CEP43: variants seen among roughly 807,000 people sequenced by gnomAD.
CEP43 encodes centrosomal protein 43, also known as FGFR1 oncogene partner.
In CEP43, 36 loss-of-function variants were observed where a neutral mutation model predicts 52.6. The ratio of observed to expected loss-of-function variants is 0.68; its 90% CI spans 0.52 to 0.90. The LOEUF (loss-of-function observed/expected upper bound fraction) is 0.90. Among genes scored for constraint, CEP43 ranks in the 40% least tolerant of loss-of-function variants. CEP43 has a pLI of 0.00. For synonymous variants in CEP43, 192 were observed against 172.4 expected, an observed-to-expected ratio of 1.11 and a Z score of -0.89; for missense variants, 506 against 472.8, an observed-to-expected ratio of 1.07 and a Z score of -0.65.
chr6:167,007,193 T>C (rs991477827), intron 5 of CEP43, among the ~76,000 whole-genome samples: 18 of 152,306 alleles, frequency 1.2e-4, no homozygotes, highest in African/African-American at 4.3e-4. Context: ...GGCTTTCTGT[T>C]CTCTGCTAGA....
At chr6:167,035,815 C>CCT (rs1780572659) in intron 12 of CEP43, among the ~76,000 whole-genome samples, 1 of 152,176 alleles carries the variant, frequency 6.6e-6, no homozygotes, top group South Asian at 2.1e-4. Context: ...GCTCTGCCTG[C>CCT]CTCGGCCTCC....
intron 12 of CEP43, 66 bp downstream of exon 12, chr6:167,034,037 A>G: frequency 1.4e-6 from 1 of 696,852 alleles, no homozygotes; most frequent in Non-Finnish European, 2.4e-6. Flanking sequence ...TTTACTGTAA[A>G]GCTTCAAAAT....
chr6:167,006,515 A>T (rs1410937558), intron 5 of CEP43, among the ~76,000 whole-genome samples: 2 of 152,232 alleles, frequency 1.3e-5, no homozygotes, highest in African/African-American at 4.8e-5. Flanking sequence ...CATCTCAAAA[A>T]AAAGAAAAAA....
intron 12 of CEP43, among the ~76,000 whole-genome samples, chr6:167,037,729 C>T (rs1346892875): frequency 2.6e-5 from 4 of 152,200 alleles, no homozygotes; most frequent in Non-Finnish European, 2.9e-5. Flanking sequence ...CACAGTATCT[C>T]GGGATGAAAC....
chr6:167,011,750 TA>T (rs977703011), intron 6 of CEP43: 2 of 152,558 alleles, frequency 1.3e-5, no homozygotes, highest in Admixed American at 6.5e-5. Context: ...GTCCCTCTTC[TA>T]GGTTGCAGAG....
Position 167,046,803 on chromosome 6 carries a change from C to T in CEP43, c.*6825C>T, listed in dbSNP as rs1451280867. ...TTCTGCCTCAGGGTAAGAGGCCCGG[C>T]CCTCTCAGCCTGAGTCCATTCTGGC... On this transcript the variant is annotated 3_prime_UTR_variant, in exon 13 of 13. Coordinates refer to ENST00000366847, the MANE Select transcript of CEP43 (RefSeq NM_007045.4). The T allele has an allele frequency of 6.6e-6, 1 of 152,278 alleles. No homozygotes were observed. The highest frequency in any genetic ancestry group is 6.5e-5 in the Admixed American group (1 of 15,290). The allele number at this position is 152,278 out of a possible 1,614,324, so 9.4% of individuals were successfully genotyped here.
intron 8 of CEP43, among the ~76,000 whole-genome samples, chr6:167,022,860 C>T (rs1780268778): frequency 1.6e-5 from 2 of 126,858 alleles, no homozygotes; most frequent in African/African-American, 3.0e-5. Context: ...GTGTCAGCCA[C>T]TTGCCAGGGC....
chr6:167,023,418 A>G (rs919941145), intron 8 of CEP43, among the ~76,000 whole-genome samples: 1 of 152,206 alleles, frequency 6.6e-6, no homozygotes, highest in Non-Finnish European at 1.5e-5. Context: ...AGCCTGCAAA[A>G]CTAGAAGGTT....
intron 7 of CEP43, among the ~76,000 whole-genome samples, chr6:167,017,823 A>G (rs1383347919): frequency 1.3e-5 from 2 of 152,228 alleles, no homozygotes; most frequent in Non-Finnish European, 2.9e-5. Context: ...GCTCCAGCCA[A>G]GAGAACTTAA....
intron 5 of CEP43, among the ~76,000 whole-genome samples, chr6:167,009,839 AAAAAGAAAAAT>A (rs961294647): frequency 3.3e-5 from 5 of 151,086 alleles, no homozygotes; most frequent in African/African-American, 9.8e-5. Context: ...CTGTTTCAAA[AAAAAGAAAAAT>A]AAAAGAAAGA....
In CEP43 at chr6:167,040,986, A is replaced by G. The variant is rs1780682892; in HGVS notation, c.*1008A>G. On this transcript the variant is annotated 3_prime_UTR_variant, in exon 13 of 13. Coordinates refer to ENST00000366847, the MANE Select transcript of CEP43 (RefSeq NM_007045.4). ...GCTATTATGTAGGTCACGGATGTTT[A>G]TAATACTAAAGTATTTTAAAATGTG... 9.8e-7 allele frequency: 1 copy of G among 1,025,592 alleles called. No individual in the cohort carries two copies. The highest frequency in any genetic ancestry group is 1.7e-5 in the African/African-American group (1 of 59,052). 63.5% of individuals were successfully genotyped at this position (1,025,592 alleles called of 1,614,324 possible). A position where few individuals can be genotyped will look rare whatever the true frequency, so the allele number is the denominator to read the frequency against.
At chr6:167,028,665 T>C (rs530641902) in intron 10 of CEP43, 2 of 224,664 alleles carry the variant, frequency 8.9e-6, no homozygotes, top group Non-Finnish European at 1.5e-5. Flanking sequence ...TTAATTCATA[T>C]CCTATGAGGT....
intron 7 of CEP43, 112 bp from the exon 8 acceptor site, chr6:167,022,291 CACACAA>C (rs974417247): frequency 1.5e-6 from 1 of 669,300 alleles, no homozygotes; most frequent in Non-Finnish European, 2.5e-6. Flanking sequence ...CACACACACA[CACACAA>C]AGGTTGCACA....
At chr6:167,022,879 G>T (rs1780269139) in intron 8 of CEP43, among the ~76,000 whole-genome samples, 1 of 151,932 alleles carries the variant, frequency 6.6e-6, no homozygotes, top group Non-Finnish European at 1.5e-5. Context: ...GCTGTTCCAG[G>T]GTGGGGTGCA....
chr6:167,046,956 C>G lies in CEP43; in HGVS notation c.*6978C>G, dbSNP rs921221707. On this transcript the variant is annotated 3_prime_UTR_variant, in exon 13 of 13. Transcript: ENST00000366847. The stretch of plus-strand genomic sequence containing the variant: ...CTCAATCTCTGGGGGTCAGAGTCCA[C>G]TTCCTGGGGAGCCCAATCTGTGACC... 1 of 152,242 alleles carries G rather than the reference C, an allele frequency of 6.6e-6. No homozygotes were observed. The highest frequency in any genetic ancestry group is 1.5e-5 in the Non-Finnish European group (1 of 68,048). 9.4% of individuals were successfully genotyped at this position (152,242 alleles called of 1,614,324 possible).
Position 167,036,053 on chromosome 6 carries a change from T to C in CEP43, c.1125+2082T>C, listed in dbSNP as rs181189482. On this transcript the variant is annotated intron_variant, in intron 12 of 12. Transcript: ENST00000366847. ...GACATTTCTGTCGTAGGCACAGATA[T>C]AGACTTCTTCCCTCAAATTTATGCA... is the stretch of plus-strand genomic sequence containing the variant. The C allele has an allele frequency of 5.5e-4, 546 of 984,852 alleles. 1 individual carries two copies. In the African/African-American group the frequency reaches 7.8e-3, roughly 14 times the overall value. 61.0% of individuals were successfully genotyped at this position (984,852 alleles called of 1,614,324 possible). A position where few individuals can be genotyped will look rare whatever the true frequency, so the allele number is the denominator to read the frequency against.
At chr6:167,036,125 A>AT (rs1331591585) in intron 12 of CEP43, 1 of 985,450 alleles carries the variant, frequency 1.0e-6, no homozygotes, top group African/African-American at 1.7e-5. Flanking sequence ...GAAAATCAAG[A>AT]TAAAAAGTGA....
At position 167,022,259 on chromosome 6, in the gene CEP43, A is replaced by AACACACACAC. The variant is rs35327997; in HGVS notation, c.580-122_580-113dup. ...AGTTCACGCTGCTGAGAGCTGCCCC[A>AACACACACAC]ACACACACACACACACACACACACA... is the stretch of plus-strand genomic sequence containing the variant. On this transcript the variant is annotated intron_variant, in intron 7 of 12. Coordinates refer to ENST00000366847, the MANE Select transcript of CEP43 (RefSeq NM_007045.4). 9.7e-3 allele frequency: 5,275 copies of AACACACACAC among 544,032 alleles called. 57 individuals carry two copies. The highest frequency in any genetic ancestry group is 0.048 in the African/African-American group (2,429 of 50,188). The allele number at this position is 544,032 out of a possible 1,614,324, so 33.7% of individuals were successfully genotyped here.
chr6:167,003,381 T>G (rs1779781266), intron 3 of CEP43, 134 bp downstream of exon 3: 1 of 538,566 alleles, frequency 1.9e-6, no homozygotes, highest in Admixed American at 3.7e-5. Flanking sequence ...AAATAATATT[T>G]TATTGTACAA....
Sources: allele counts gnomAD v4.1 joint callset (sites outside exome capture counted in the v4.1 genomes callset), GRCh38; gene constraint gnomAD v4.1.1; transcripts MANE v1.5; gene names NCBI Gene and HGNC (gene_info 2026-07-23, HGNC 2026-07-21).